GRID2IP: variants seen among roughly 807,000 people sequenced by gnomAD.
GRID2IP encodes the protein Grid2 interacting protein, also known as delphilin.
A neutral mutation model predicts 114.3 loss-of-function variants in GRID2IP; 78 were observed. The ratio of observed to expected loss-of-function variants is 0.68; its 90% CI spans 0.57 to 0.82. The LOEUF is 0.82. Ranked by LOEUF, GRID2IP falls within the 40% of genes least tolerant of loss-of-function variation. GRID2IP has a pLI of 0.00. For synonymous variants in GRID2IP, 809 were observed against 724.0 expected (o/e 1.12, Z -1.89); for missense variants, 1,727 against 1,678.5 (o/e 1.03, Z -0.51).
chr7:6,535,583 T>TGGTG (rs1325673915), intron 2 of GRID2IP, among the ~76,000 whole-genome samples: 1 of 152,146 alleles, frequency 6.6e-6, no homozygotes, highest in Non-Finnish European at 1.5e-5. Context: ...CCTTACCTCT[T>TGGTG]GGTGGGGCAC....
In GRID2IP at chr7:6,521,239, G is replaced by A. The variant is rs969314282; in HGVS notation, c.1084+190C>T. On this transcript the variant is annotated intron_variant, in intron 6 of 21. Coordinates refer to ENST00000457091, the MANE Select transcript of GRID2IP (RefSeq NM_001145118.2). This position sits in a 1 kb window ranked among gnomAD's most constrained non-coding sequence, Gnocchi z 4.1. ...TCCCACCTTGGCCTCCCAAAGTGCTGGGATTCCAGGCATGAGCCACCATGC... is the reference window on the plus strand; with the variant it reads ...TCCCACCTTGGCCTCCCAAAGTGCTAGGATTCCAGGCATGAGCCACCATGC... Among the ~76,000 whole-genome samples, 9 of 152,126 alleles carry A rather than the reference G, an allele frequency of 5.9e-5. No homozygotes were observed. The highest frequency in any genetic ancestry group is 1.9e-4 in the African/African-American group (8 of 41,428).
At chr7:6,545,855 C>A (rs1049185141) in intron 1 of GRID2IP, among the ~76,000 whole-genome samples, 2 of 152,116 alleles carry the variant, frequency 1.3e-5, no homozygotes, top group African/African-American at 4.8e-5. Context: ...CCCCTCCCCA[C>A]GCACGCGCCG....
In GRID2IP at chr7:6,521,517, G is replaced by A. The variant is rs750911053; in HGVS notation, c.996C>T (p.Cys332=). The stretch of plus-strand genomic sequence containing the variant: ...GCATGGACACCACCTTGTCGTGGGA[G>A]CAGTTCCTGCCAAGCAGAGATGGCC... The part of the protein sequence containing the change: ...LFLNGLDMRN[C]SHDKVVSMLQ... Residue 332 remains cysteine, a synonymous_variant, in exon 6 of 22, where the codon TGC becomes TGT. Transcript: ENST00000457091. This position sits in a 1 kb window ranked among gnomAD's most constrained non-coding sequence, Gnocchi z 4.1. The A allele has an allele frequency of 2.6e-6, 4 of 1,544,918 alleles. No homozygotes were observed. The South Asian group carries it at 3.6e-5, about 14-fold the overall frequency.
Position 6,536,373 on chromosome 7 carries a change from C to CTG in GRID2IP, c.584+3343_584+3344dup, listed in dbSNP as rs1779722451. On this transcript the variant is annotated intron_variant, in intron 2 of 21. Transcript: ENST00000457091. This position sits in a 1 kb window ranked among gnomAD's most constrained non-coding sequence, Gnocchi z 5.3. ...CATCCCCAGGTGTCCAGGGCTCCCGCTGCCCAGGCTCTAAATCGAGCGCGC... is the reference window on the plus strand; with the variant it reads ...CATCCCCAGGTGTCCAGGGCTCCCGCTGTGCCCAGGCTCTAAATCGAGCGCGC... 6.6e-6 allele frequency among the ~76,000 whole-genome samples: 1 copy of CTG among 152,252 alleles called. No homozygotes were observed. The highest frequency in any genetic ancestry group is 2.1e-4 in the South Asian group (1 of 4,838).
chr7:6,507,326 G>A lies in GRID2IP; in HGVS notation c.2544+659C>T, dbSNP rs1306290089. On this transcript the variant is annotated intron_variant, in intron 13 of 21. Coordinates refer to ENST00000457091, the MANE Select transcript of GRID2IP (RefSeq NM_001145118.2). The surrounding 1 kb of genome is among the most constrained non-coding windows in gnomAD (Gnocchi z 5.3). ...TCCATCTGGGAATGTCTCTTTGACA[G>A]GGACATGGACACTGGAGTGGGGGTT... 1.3e-5 allele frequency among the ~76,000 whole-genome samples: 2 copies of A among 152,032 alleles called. No individual in the cohort carries two copies. Among genetic ancestry groups the A allele is most frequent in the Non-Finnish European group, 2.9e-5 (2 of 68,008 alleles).
rs145682489 is a variant in GRID2IP at position 6,543,159 on chromosome 7, C to T, written c.430-3287G>A. Among the ~76,000 whole-genome samples the T allele has an allele frequency of 8.5e-3, 1,287 of 152,244 alleles. 21 individuals carry two copies. The highest frequency in any genetic ancestry group is 0.029 in the African/African-American group (1,203 of 41,548). Reference sequence around the variant, plus strand: ...GCTGTCATCCCAGCACTTTGGGAGGCGAAGGTGGGTGGATCATCTGAAGTT... The same window carrying T: ...GCTGTCATCCCAGCACTTTGGGAGGTGAAGGTGGGTGGATCATCTGAAGTT... On this transcript the variant is annotated intron_variant, in intron 1 of 21. Transcript: ENST00000457091.
chr7:6,500,468 CA>C, intron 20 of GRID2IP, among the ~76,000 whole-genome samples: 1 of 152,088 alleles, frequency 6.6e-6, no homozygotes, highest in Middle Eastern at 3.4e-3. Context: ...CGTCTCAAAA[CA>C]AAACAAAAAT....
intron 20 of GRID2IP, among the ~76,000 whole-genome samples, chr7:6,500,565 T>C (rs1264695005): frequency 6.6e-6 from 1 of 152,220 alleles, no homozygotes; most frequent in Non-Finnish European, 1.5e-5. Flanking sequence ...GCAGATCTCC[T>C]GCCTGAGAGG....
At chr7:6,540,392 G>A (rs1014799276) in intron 1 of GRID2IP, among the ~76,000 whole-genome samples, 2 of 151,978 alleles carry the variant, frequency 1.3e-5, no homozygotes, top group African/African-American at 2.4e-5. Flanking sequence ...GATTACAAGC[G>A]TGAGCCACCG....
intron 1 of GRID2IP, among the ~76,000 whole-genome samples, chr7:6,541,959 C>A (rs191115893): frequency 5.9e-5 from 9 of 152,110 alleles, no homozygotes; most frequent in African/African-American, 1.9e-4. Flanking sequence ...TGCAGTACAT[C>A]CATGTGGGAG....
intron 20 of GRID2IP, among the ~76,000 whole-genome samples, chr7:6,500,418 C>A (rs1020040410): frequency 1.3e-5 from 2 of 152,122 alleles, no homozygotes; most frequent in South Asian, 2.1e-4. Flanking sequence ...GAGCCGAGAT[C>A]GCACCATTGC....
chr7:6,550,286 C>T (rs1489964161), intron 1 of GRID2IP, among the ~76,000 whole-genome samples: 1 of 152,040 alleles, frequency 6.6e-6, no homozygotes, highest in Non-Finnish European at 1.5e-5. Context: ...ACCTGGCCTG[C>T]AGTTAAGTTC....
chr7:6,533,363 CTT>C (rs544933964), intron 2 of GRID2IP, among the ~76,000 whole-genome samples: 36 of 152,196 alleles, frequency 2.4e-4, no homozygotes, highest in Non-Finnish European at 3.5e-4. Flanking sequence ...CAATATCTCT[CTT>C]ATTTATTTTT....
Position 6,520,611 on chromosome 7 carries a change from AC to A in GRID2IP, c.1234del (p.Val412SerfsTer41). On this transcript the variant is annotated frameshift_variant, in exon 7 of 22. Transcript: ENST00000457091. LOFTEE classifies it high-confidence loss of function. The surrounding 1 kb of genome is among the most constrained non-coding windows in gnomAD (Gnocchi z 4.6). ...HLLTPPERYG[V>X]CRALESFFQH... is the part of the protein sequence containing the mutation. ...GAAGAAGCTCTCGAGGGCCCGGCAG[AC>A]CCCATAGCGCTCAGGAGGTGTGAGT... is the stretch of plus-strand genomic sequence containing the variant. 3 of 1,551,582 alleles carry A rather than the reference AC, an allele frequency of 1.9e-6. No homozygotes were observed. The highest frequency in any genetic ancestry group is 2.6e-6 in the Non-Finnish European group (3 of 1,146,930).
intron 8 of GRID2IP, among the ~76,000 whole-genome samples, chr7:6,513,796 G>C (rs1779230747): frequency 6.6e-6 from 1 of 152,060 alleles, no homozygotes; most frequent in Non-Finnish European, 1.5e-5. Flanking sequence ...AGACCTCATA[G>C]GTGAGGCCAG....
rs1779689618 is a variant in GRID2IP, at chr7:6,534,437, G to A, written c.584+5281C>T. 6.6e-6 allele frequency among the ~76,000 whole-genome samples: 1 copy of A among 152,346 alleles called. No homozygotes were observed. The highest frequency in any genetic ancestry group is 2.4e-5 in the African/African-American group (1 of 41,586). On this transcript the variant is annotated intron_variant, in intron 2 of 21. Transcript: ENST00000457091. This position sits in a 1 kb window ranked among gnomAD's most constrained non-coding sequence, Gnocchi z 4.5. ...TTCATCAGACCGGGGTCCCTTTGGG[G>A]AGAGACCCAAATTAGCCTCCCAGTC...
rs771429890 is a variant in GRID2IP, at chr7:6,503,134, G to C, written c.2937C>G (p.Arg979=). The C allele has an allele frequency of 1.9e-6, 3 of 1,545,300 alleles. No homozygotes were observed. In the South Asian group the frequency reaches 3.6e-5, roughly 18 times the overall value. ...TGGCCTGGAAGTGGAGGCTGCGCAG[G>C]CGTGTCTTGTATTCGGGAACTGACA... ...QMLSVPEYKT[R]LRSLHFQATL... Residue 979 remains arginine, a synonymous_variant, in exon 17 of 22, where the codon CGC becomes CGG. Transcript: ENST00000457091.
chr7:6,540,676 A>G (rs1274388722), intron 1 of GRID2IP, among the ~76,000 whole-genome samples: 1 of 132,082 alleles, frequency 7.6e-6, no homozygotes, highest in Non-Finnish European at 1.6e-5. Context: ...ACCTGTGACC[A>G]CACCTGGCTA....
chr7:6,510,416 G>C lies in GRID2IP; in HGVS notation c.1654-16C>G. The C allele has an allele frequency of 6.7e-7, 1 of 1,500,802 alleles. No homozygotes were observed. 93.0% of individuals were successfully genotyped at this position (1,500,802 alleles called of 1,614,324 possible). ...CGGCTGACATCTGGAGGGAGACGGG[G>C]GAGAGTCCAGCCCATTCTGCTTCCC... On this transcript the variant is annotated splice_polypyrimidine_tract_variant and intron_variant, in intron 10 of 21. Transcript: ENST00000457091.
Sources: gnomAD v4.1 joint callset for allele counts (sites outside exome capture counted in the v4.1 genomes callset) on GRCh38, gnomAD v4.1.1 for gene constraint, Gnocchi (gnomAD v3.1) non-coding constraint, MANE v1.5 for transcripts, NCBI Gene and HGNC (gene_info 2026-07-23, HGNC 2026-07-21) for gene names.